ABCA12: variants seen among roughly 807,000 people sequenced by gnomAD.
The protein encoded by ABCA12 is ATP binding cassette subfamily A member 12, also known as glucosylceramide transporter ABCA12.
A neutral mutation model predicts 293.5 loss-of-function variants in ABCA12; 156 were observed. The ratio of observed to expected loss-of-function variants is 0.53; its 90% CI spans 0.47 to 0.61. ABCA12 has a LOEUF of 0.61. ABCA12 is among the 20% of genes least tolerant of loss of function. The pLI is 0.00. For missense variants in ABCA12, 2,797 were observed against 3,090.2 expected (o/e 0.91, Z 2.25); for synonymous variants, 1,063 against 1,108.0 (o/e 0.96, Z 0.81).
chr2:214,998,912 T>C (rs1165799267), intron 22 of ABCA12, among the ~76,000 whole-genome samples: 1 of 152,188 alleles, frequency 6.6e-6, no homozygotes, highest in Admixed American at 6.5e-5. Context: ...AAGCTTTCAC[T>C]TGGAGAAAGG....
At chr2:215,075,844 C>A in intron 2 of ABCA12, 1 of 398,366 alleles carries the variant, frequency 2.5e-6, no homozygotes, top group South Asian at 4.7e-5. Flanking sequence ...AAACTAAAAG[C>A]CAGTGAAATT....
At chr2:215,061,375 A>C (rs1018386734) in intron 3 of ABCA12, among the ~76,000 whole-genome samples, 7 of 152,086 alleles carry the variant, frequency 4.6e-5, no homozygotes, top group African/African-American at 1.4e-4. Context: ...CATGTCTTTC[A>C]GAAGAGCATT....
chr2:214,959,254 C>A (rs1417721835), intron 39 of ABCA12, among the ~76,000 whole-genome samples, 176 bp from the exon 40 acceptor site: 1 of 151,774 alleles, frequency 6.6e-6, no homozygotes, highest in East Asian at 1.9e-4. Flanking sequence ...TAATGCCATA[C>A]AATTGGTGGC....
intron 16 of ABCA12, 107 bp downstream of exon 16, chr2:215,011,864 T>TG: frequency 3.7e-6 from 4 of 1,085,622 alleles, no homozygotes; most frequent in East Asian, 2.5e-5. Context: ...TTGTAGGTGT[T>TG]GTTTTTTTTT....
In ABCA12 at chr2:215,019,403, A is replaced by G; in HGVS notation, c.1590T>C (p.Thr530=). ...TGGCTTCTATGATCGGTATTAACTG[A>G]GTGATATTTTCCAAGTAATTCATTT... The part of the protein sequence containing the change: ...ALQMNYLENI[T]QLIPIIEAML... The change falls in exon 13 of 53, where the codon ACT becomes ACC. Residue 530 remains threonine (T), a synonymous_variant. Coordinates refer to ENST00000272895, the MANE Select transcript of ABCA12 (RefSeq NM_173076.3). 6.2e-7 allele frequency: 1 copy of G among 1,613,788 alleles called. No homozygotes were observed. Among genetic ancestry groups the G allele is most frequent in the Non-Finnish European group, 8.5e-7 (1 of 1,180,012 alleles).
In ABCA12 at chr2:214,990,971, C is replaced by A; in HGVS notation, c.3355G>T (p.Val1119Phe). Residue 1119 changes from valine (V) to phenylalanine (F), a missense_variant, in exon 24 of 53, where the codon GTT (valine) becomes TTT (phenylalanine). Transcript: ENST00000272895. ...SHFFAWLIES[V>F]GFLLVTIVIL... Reference sequence around the variant, plus strand: ...ACGATGGTAACCAGTAAAAATCCAACACTCTCTATAAGCCAGGCAAAGAAA... The same window carrying A: ...ACGATGGTAACCAGTAAAAATCCAAAACTCTCTATAAGCCAGGCAAAGAAA... 6.2e-7 allele frequency: 1 copy of A among 1,614,072 alleles called. No homozygotes were observed. The highest frequency in any genetic ancestry group is 8.5e-7 in the Non-Finnish European group (1 of 1,179,982).
rs1248150786 is a variant in ABCA12 at position 215,012,028 on chromosome 2, T to C, written c.2064A>G (p.Leu688=). 2 of 1,613,994 alleles carry C rather than the reference T, an allele frequency of 1.2e-6. No individual in the cohort carries two copies. The highest frequency in any genetic ancestry group is 1.3e-5 in the African/African-American group (1 of 74,944). ...NQMASGTHPL[L]DKMRSLKQMH... ...TTTGCTTCAGGGATCTCATTTTGTC[T>C]AGCAGCGGATGTGTGCCAGAAGCCA... is the stretch of plus-strand genomic sequence containing the variant. The change falls in exon 16 of 53, where the codon CTA becomes CTG. Residue 688 remains leucine, a synonymous_variant. Transcript: ENST00000272895.
chr2:215,013,983 C>A (rs957747298), intron 15 of ABCA12, among the ~76,000 whole-genome samples: 1 of 152,104 alleles, frequency 6.6e-6, no homozygotes, highest in Non-Finnish European at 1.5e-5. Flanking sequence ...GAGTTCAAGA[C>A]CAGCCTGGCC....
chr2:215,066,220 T>C (rs1186932555), intron 2 of ABCA12, among the ~76,000 whole-genome samples: 1 of 152,140 alleles, frequency 6.6e-6, no homozygotes, highest in Non-Finnish European at 1.5e-5. Flanking sequence ...AGATCTCCAC[T>C]GTAACCTCTC....
chr2:215,040,860 C>CT (rs1449949595), intron 7 of ABCA12, among the ~76,000 whole-genome samples: 21 of 151,850 alleles, frequency 1.4e-4, no homozygotes, highest in African/African-American at 4.4e-4. Context: ...TGTCCCAAAC[C>CT]TTTTTTTATT....
intron 11 of ABCA12, among the ~76,000 whole-genome samples, chr2:215,021,599 A>G (rs1700633149): frequency 6.6e-6 from 1 of 152,184 alleles, no homozygotes; most frequent in African/African-American, 2.4e-5. Flanking sequence ...AATAAATTGG[A>G]ACAACATCCT....
At chr2:214,943,165 TG>T in intron 49 of ABCA12, 148 bp from the exon 50 acceptor site, 1 of 646,068 alleles carries the variant, frequency 1.5e-6, no homozygotes, top group Non-Finnish European at 2.7e-6. Context: ...TGAGATAGGG[TG>T]TCACTCTGTT....
At chr2:215,064,402 G>A (rs10210200) in intron 2 of ABCA12, among the ~76,000 whole-genome samples, 183 bp from the exon 3 acceptor site, 4,842 of 152,010 alleles carry the variant, frequency 0.032, 264 homozygotes, top group African/African-American at 0.11. Flanking sequence ...AGGGTGTTAT[G>A]TTTAACTTCC....
chr2:214,986,193 A>G (rs1219656167), intron 28 of ABCA12, among the ~76,000 whole-genome samples: 1 of 152,182 alleles, frequency 6.6e-6, no homozygotes, highest in Non-Finnish European at 1.5e-5. Context: ...GAGCCAGAAA[A>G]CAGATACTCC....
At chr2:215,120,654 G>A (rs1050874983) in intron 1 of ABCA12, among the ~76,000 whole-genome samples, 14 of 152,156 alleles carry the variant, frequency 9.2e-5, no homozygotes, top group Non-Finnish European at 1.6e-4. Context: ...TGACTGGTAC[G>A]TTGAGACTTA....
At chr2:214,972,281 G>T (rs1223146312) in intron 36 of ABCA12, among the ~76,000 whole-genome samples, 1 of 151,584 alleles carries the variant, frequency 6.6e-6, no homozygotes, top group East Asian at 1.9e-4. Context: ...TTGTATGTCT[G>T]GTATACAGAG....
rs570637582 is a variant in ABCA12, at chr2:215,089,206, T to C, written c.163+22391A>G. On this transcript the variant is annotated intron_variant, in intron 2 of 52. Transcript: ENST00000272895. ...GCTCAAGTTTTGCTTTATTTTTTTT[T>C]CCCAGGCCTTATTTATGCTCAGTTT... is the stretch of plus-strand genomic sequence containing the variant. Among the ~76,000 whole-genome samples, 1,027 of 152,110 alleles carry C rather than the reference T, an allele frequency of 6.8e-3. 10 individuals are homozygous for C. The highest frequency in any genetic ancestry group is 0.022 in the African/African-American group (923 of 41,502).
At chr2:215,069,788 G>A (rs1701702053) in intron 2 of ABCA12, among the ~76,000 whole-genome samples, 1 of 152,166 alleles carries the variant, frequency 6.6e-6, no homozygotes, top group Non-Finnish European at 1.5e-5. Context: ...TCAGCCTAGG[G>A]CTGAAAACCA....
In ABCA12 at chr2:214,978,899, A is replaced by C; in HGVS notation, c.4882T>G (p.Ser1628Ala). Residue 1628 changes from serine (S) to alanine (A), a missense_variant, in exon 32 of 53, where the codon TCA becomes GCA. Ser to Ala is a moderately conservative substitution (Grantham distance 99). Around this residue, in one of 3 missense-constraint regions of ABCA12, gnomAD observed 2,130 missense variants for 2,427.0 expected, o/e 0.88. Transcript: ENST00000272895. The stretch of plus-strand genomic sequence containing the variant: ...CGTAGGAGTGACAGGTAGGCCCCTG[A>C]GACTTTGGTGCTGAATGGAGGAAGT... ...YVLPPFSTKV[S>A]GAYLSLLRAL... 2 of 1,614,084 alleles carry C rather than the reference A, an allele frequency of 1.2e-6. No individual in the cohort carries two copies. The highest frequency in any genetic ancestry group is 2.2e-5 in the South Asian group (2 of 91,072).
Sources: allele counts gnomAD v4.1 joint callset (sites outside exome capture counted in the v4.1 genomes callset), GRCh38; gene constraint gnomAD v4.1.1; regional missense constraint gnomAD v4.1.1; transcripts MANE v1.5; gene names NCBI Gene and HGNC (gene_info 2026-07-23, HGNC 2026-07-21).